The following TANC1 variants were observed in gnomAD, a reference collection of about 807,000 sequenced individuals.
TANC1 encodes the protein tetratricopeptide repeat, ankyrin repeat and coiled-coil containing 1.
Under a neutral mutation model 149.7 loss-of-function variants are expected in TANC1, and 77 were observed. The observed-to-expected ratio is 0.51, with a 90% CI of 0.43 to 0.62. The LOEUF (loss-of-function observed/expected upper bound fraction) is 0.62, where lower values mean the gene tolerates loss of function less well. Among genes scored for constraint, TANC1 ranks in the 20% least tolerant of loss-of-function variants. The pLI, the probability that TANC1 is intolerant of heterozygous loss-of-function variation, is 0.00. For synonymous variants in TANC1, 854 were observed against 925.0 expected (o/e 0.92, Z 1.39); for missense variants, 1,985 against 2,321.8 (o/e 0.85, Z 2.98).
chr2:159,215,111 G>A, intron 19 of TANC1, among the ~76,000 whole-genome samples: 1 of 152,206 alleles, frequency 6.6e-6, no homozygotes, highest in East Asian at 1.9e-4. Flanking sequence ...CTGGAAGGAT[G>A]GAGAAGGGGA....
At chr2:159,176,290 G>A in intron 12 of TANC1, 62 bp from the exon 13 acceptor site, 1 of 954,706 alleles carries the variant, frequency 1.0e-6, no homozygotes, top group Admixed American at 2.9e-5. Flanking sequence ...AAATACACTG[G>A]GTGTTGCTGT....
At chr2:159,179,535 G>T (rs1478170062) in intron 14 of TANC1, among the ~76,000 whole-genome samples, 1 of 152,082 alleles carries the variant, frequency 6.6e-6, no homozygotes, top group East Asian at 1.9e-4. Flanking sequence ...GGAACAGGGG[G>T]CTTCTCTAGA....
intron 2 of TANC1, among the ~76,000 whole-genome samples, chr2:159,053,528 G>A (rs1399751961): frequency 6.6e-6 from 1 of 152,144 alleles, no homozygotes; most frequent in African/African-American, 2.4e-5. Flanking sequence ...GCATATCTTG[G>A]TTTAATTTAG....
intron 24 of TANC1, chr2:159,227,558 A>T (rs1336573549): frequency 2.2e-6 from 1 of 464,212 alleles, no homozygotes; most frequent in Non-Finnish European, 3.8e-6. Flanking sequence ...TCAATCTAGC[A>T]GTTTACAGAC....
At chr2:159,055,439 T>A (rs1165561298) in intron 2 of TANC1, among the ~76,000 whole-genome samples, 1 of 152,166 alleles carries the variant, frequency 6.6e-6, no homozygotes, top group African/African-American at 2.4e-5. Context: ...CTATTCCCCC[T>A]ACCCTCAGTT....
At chr2:159,219,418 C>T in intron 21 of TANC1, 57 bp downstream of exon 21, 4 of 1,603,566 alleles carry the variant, frequency 2.5e-6, no homozygotes, top group Non-Finnish European at 2.6e-6. Context: ...AGAACTTCAG[C>T]AGACCCATTC....
At chr2:159,082,833 G>A (rs1291426652) in intron 3 of TANC1, among the ~76,000 whole-genome samples, 7 of 152,328 alleles carry the variant, frequency 4.6e-5, no homozygotes, top group Admixed American at 1.3e-4. Flanking sequence ...CTGTAATTGT[G>A]TAGTGCAGTG....
In TANC1 at chr2:159,019,284, A is replaced by G. The variant is rs372015070; in HGVS notation, c.-16+18095A>G. Among the ~76,000 whole-genome samples, 9 of 152,336 alleles carry G rather than the reference A, an allele frequency of 5.9e-5. No homozygotes were observed. The East Asian group carries it at 1.2e-3, about 20-fold the overall frequency. On this transcript the variant is annotated intron_variant, in intron 2 of 26. Transcript: ENST00000263635. ...AGTGAGCTGAAGGAAGCAGCCAGCG[A>G]TCTTCAGCCCGTGTTAGGAGTGATG...
At chr2:159,167,484 G>A (rs940791790) in intron 8 of TANC1, among the ~76,000 whole-genome samples, 2 of 152,212 alleles carry the variant, frequency 1.3e-5, no homozygotes, top group African/African-American at 2.4e-5. Flanking sequence ...CCGTACATTC[G>A]ATCCATTTAA....
At chr2:159,058,551 T>C (rs2042016510) in intron 2 of TANC1, among the ~76,000 whole-genome samples, 1 of 152,194 alleles carries the variant, frequency 6.6e-6, no homozygotes, top group African/African-American at 2.4e-5. Context: ...ATAATTTTGA[T>C]CTATCATCAT....
At chr2:159,036,116 G>C (rs2040170133) in intron 2 of TANC1, among the ~76,000 whole-genome samples, 1 of 152,148 alleles carries the variant, frequency 6.6e-6, no homozygotes, top group Non-Finnish European at 1.5e-5. Flanking sequence ...TTGGCTGAAG[G>C]ACATGCAGCA....
intron 2 of TANC1, among the ~76,000 whole-genome samples, chr2:159,011,563 T>C (rs907459413): frequency 1.6e-5 from 2 of 127,368 alleles, no homozygotes; most frequent in Admixed American, 1.9e-4. Flanking sequence ...CAAGACAAGG[T>C]CTCACTCTGT....
chr2:159,157,279 G>T (rs763222962), intron 7 of TANC1, among the ~76,000 whole-genome samples: 1 of 152,166 alleles, frequency 6.6e-6, no homozygotes, highest in Non-Finnish European at 1.5e-5. Context: ...AGCTGTGGCC[G>T]CAGGTGAACC....
intron 4 of TANC1, among the ~76,000 whole-genome samples, chr2:159,117,420 G>A (rs1229558955): frequency 2.0e-5 from 3 of 151,558 alleles, no homozygotes; most frequent in African/African-American, 7.3e-5. Flanking sequence ...TTTTGAGATG[G>A]GGTCTTGCTC....
intron 1 of TANC1, among the ~76,000 whole-genome samples, chr2:158,974,367 T>G (rs1359102302): frequency 1.3e-5 from 2 of 152,230 alleles, no homozygotes; most frequent in Non-Finnish European, 2.9e-5. Flanking sequence ...CTCAAATGCT[T>G]AAGTCCCTTA....
intron 2 of TANC1, among the ~76,000 whole-genome samples, chr2:159,013,328 T>C (rs2037955447): frequency 6.6e-6 from 1 of 152,154 alleles, no homozygotes. Flanking sequence ...ACACAGAGGA[T>C]CACACATCCT....
At chr2:159,163,807 G>A (rs180779658) in intron 8 of TANC1, among the ~76,000 whole-genome samples, 80 of 137,532 alleles carry the variant, frequency 5.8e-4, no homozygotes, top group African/African-American at 1.9e-3. Context: ...AGAGAAGAAA[G>A]TATAAAAACT....
chr2:159,100,546 T>C (rs264636), intron 4 of TANC1, among the ~76,000 whole-genome samples: 46,125 of 152,086 alleles, frequency 0.3, 7,471 homozygotes, highest in East Asian at 0.64. Flanking sequence ...AAGCTTCTGG[T>C]GGATTTGGGA....
intron 3 of TANC1, among the ~76,000 whole-genome samples, chr2:159,068,989 C>T (rs1483562686): frequency 6.6e-6 from 1 of 152,186 alleles, no homozygotes; most frequent in African/African-American, 2.4e-5. Context: ...GATCCACTCG[C>T]CTCGGCCTCG....
Sources: allele counts gnomAD v4.1 joint callset (sites outside exome capture counted in the v4.1 genomes callset), GRCh38; gene constraint gnomAD v4.1.1; transcripts MANE v1.5; gene names NCBI Gene and HGNC (gene_info 2026-07-23, HGNC 2026-07-21).